The following KIAA1217 variants were observed in gnomAD, a reference collection of about 807,000 sequenced individuals.
KIAA1217 encodes the protein KIAA1217, also known as sickle tail protein homolog.
A neutral mutation model predicts 163.9 loss-of-function variants in KIAA1217; 88 were observed. The observed-to-expected ratio is 0.54, with a 90% confidence interval of 0.45 to 0.64. The LOEUF is 0.64. KIAA1217 is among the 30% of genes least tolerant of loss of function. The pLI is 0.00. For synonymous variants in KIAA1217, 903 were observed against 923.1 expected, an observed-to-expected ratio of 0.98 and a Z score of 0.39; for missense variants, 2,372 against 2,475.0, an observed-to-expected ratio of 0.96 and a Z score of 0.88.
In KIAA1217 at chr10:24,520,195, C is replaced by T. The variant is rs1202407682; in HGVS notation, c.2250C>T (p.Asp750=). The change falls in exon 11 of 21, where the codon GAC becomes GAT. Residue 750 remains aspartate, a synonymous_variant. Transcript: ENST00000376454. ...CCAGCCGATTGGTTACTCTGAAAGA[C>T]GTGGAAGACGGGGCTTTCCTCCTGC... ...TAASRLVTLK[D]VEDGAFLLRQ... is the part of the protein sequence containing the mutation. 6.2e-7 allele frequency: 1 copy of T among 1,614,084 alleles called. No homozygotes were observed. Among genetic ancestry groups the T allele is most frequent in the Non-Finnish European group, 8.5e-7 (1 of 1,180,008 alleles).
chr10:24,220,731 G>A (rs2069498861), intron 2 of KIAA1217, among the ~76,000 whole-genome samples: 1 of 149,524 alleles, frequency 6.7e-6, no homozygotes, highest in Non-Finnish European at 1.5e-5. Context: ...TGGGATTACA[G>A]GCGTAAGCCA....
intron 1 of KIAA1217, among the ~76,000 whole-genome samples, chr10:23,906,254 G>GCACACA (rs150497888): frequency 4.0e-5 from 6 of 148,840 alleles, no homozygotes; most frequent in African/African-American, 1.5e-4. Flanking sequence ...ACCATAGGAA[G>GCACACA]CACACACACA....
At chr10:23,850,967 C>T (rs529291105) in intron 1 of KIAA1217, among the ~76,000 whole-genome samples, 1 of 152,164 alleles carries the variant, frequency 6.6e-6, no homozygotes, top group South Asian at 2.1e-4. Flanking sequence ...CCCCATGATC[C>T]AGTCACCACC....
intron 6 of KIAA1217, among the ~76,000 whole-genome samples, chr10:24,484,241 A>ATTTTTTTT (rs59233394): frequency 2.7e-5 from 2 of 75,158 alleles, no homozygotes; most frequent in South Asian, 6.7e-4. Context: ...ATATATATAT[A>ATTTTTTTT]TTTTTTTTTT....
intron 2 of KIAA1217, among the ~76,000 whole-genome samples, chr10:24,136,659 A>C (rs988630597): frequency 6.6e-6 from 1 of 152,132 alleles, no homozygotes; most frequent in Non-Finnish European, 1.5e-5. Context: ...TTGTGAGTTT[A>C]TAGTCATGCA....
chr10:24,228,950 A>G (rs1476716600), intron 2 of KIAA1217, among the ~76,000 whole-genome samples: 2 of 152,200 alleles, frequency 1.3e-5, no homozygotes, highest in Non-Finnish European at 2.9e-5. Flanking sequence ...ATTTAATTGT[A>G]TCAAATCAAA....
intron 1 of KIAA1217, among the ~76,000 whole-genome samples, chr10:23,869,760 A>G (rs1475947468): frequency 1.3e-5 from 2 of 152,096 alleles, no homozygotes; most frequent in African/African-American, 2.4e-5. Flanking sequence ...AGAATTCCAC[A>G]TGATTGATTT....
intron 1 of KIAA1217, among the ~76,000 whole-genome samples, chr10:23,711,933 A>C (rs2130737244): frequency 6.6e-6 from 1 of 152,272 alleles, no homozygotes; most frequent in African/African-American, 2.4e-5. Flanking sequence ...AATCGCAGAG[A>C]AACATGCTCC....
chr10:24,230,276 G>A (rs983930893), intron 2 of KIAA1217, among the ~76,000 whole-genome samples: 1 of 151,966 alleles, frequency 6.6e-6, no homozygotes, highest in Admixed American at 6.6e-5. Flanking sequence ...TTTTTTGGGG[G>A]GTGGATTTTG....
chr10:24,115,204 A>C (rs957096152), intron 2 of KIAA1217, among the ~76,000 whole-genome samples: 1 of 152,238 alleles, frequency 6.6e-6, no homozygotes, highest in Non-Finnish European at 1.5e-5. Context: ...CAAACTCAGC[A>C]CAGCACCTGC....
chr10:23,759,968 T>C (rs1452182358), intron 1 of KIAA1217, among the ~76,000 whole-genome samples: 1 of 152,244 alleles, frequency 6.6e-6, no homozygotes, highest in African/African-American at 2.4e-5. Flanking sequence ...CTTGACACCA[T>C]ATCCCCAATT....
intron 1 of KIAA1217, among the ~76,000 whole-genome samples, chr10:23,785,389 A>G (rs1317212710): frequency 1.3e-5 from 2 of 152,152 alleles, no homozygotes; most frequent in African/African-American, 2.4e-5. Context: ...CTCAGCATCC[A>G]CACATTTCTG....
chr10:24,074,487 C>T (rs944744972), intron 2 of KIAA1217, among the ~76,000 whole-genome samples: 2 of 152,134 alleles, frequency 1.3e-5, no homozygotes, highest in East Asian at 1.9e-4. Flanking sequence ...TCTTTCCCTT[C>T]TCTTCATATG....
chr10:24,313,488 T>C (rs1360360266), intron 2 of KIAA1217, among the ~76,000 whole-genome samples: 1 of 152,178 alleles, frequency 6.6e-6, no homozygotes, highest in East Asian at 1.9e-4. Context: ...GGGATGTGAC[T>C]GCGGAAATAT....
chr10:24,218,456 T>C (rs1175036940), intron 1 of KIAA1217, among the ~76,000 whole-genome samples: 1 of 152,096 alleles, frequency 6.6e-6, no homozygotes, highest in Non-Finnish European at 1.5e-5. Flanking sequence ...AAAATTTGTC[T>C]AAGCCTTTAC....
At chr10:23,921,588 A>G (rs375247439) in intron 1 of KIAA1217, among the ~76,000 whole-genome samples, 4 of 152,178 alleles carry the variant, frequency 2.6e-5, no homozygotes, top group African/African-American at 9.7e-5. Flanking sequence ...AGAAGGCTCA[A>G]ATAGCCTCTG....
chr10:24,049,030 CAAAAAA>C (rs59235039), intron 2 of KIAA1217, among the ~76,000 whole-genome samples: 1 of 86,190 alleles, frequency 1.2e-5, no homozygotes, highest in African/African-American at 4.4e-5. Flanking sequence ...TACTCTGTCT[CAAAAAA>C]AAAAAAAAAA....
At chr10:23,924,062 T>C (rs574715141) in intron 1 of KIAA1217, among the ~76,000 whole-genome samples, 5 of 152,284 alleles carry the variant, frequency 3.3e-5, no homozygotes, top group African/African-American at 9.6e-5. Context: ...AAATGTTATA[T>C]TTAGAATTAC....
intron 2 of KIAA1217, among the ~76,000 whole-genome samples, chr10:24,011,423 GTT>G (rs1847231821): frequency 6.6e-6 from 1 of 152,038 alleles, no homozygotes; most frequent in South Asian, 2.1e-4. Context: ...GGAGTTTGAG[GTT>G]GCAGTGAGCT....
Sources: gnomAD v4.1 joint callset for allele counts (sites outside exome capture counted in the v4.1 genomes callset) on GRCh38, gnomAD v4.1.1 for gene constraint, MANE v1.5 for transcripts, NCBI Gene and HGNC (gene_info 2026-07-23, HGNC 2026-07-21) for gene names.